The following MFN1 variants were observed in gnomAD, a reference collection of about 807,000 sequenced individuals.
MFN1 encodes the protein mitofusin 1.
Under a neutral mutation model 92.4 loss-of-function variants are expected in MFN1, and 65 were observed. The observed-to-expected ratio is 0.70, with a 90% confidence interval of 0.58 to 0.86. The LOEUF (loss-of-function observed/expected upper bound fraction) is 0.86. MFN1 is among the 40% of genes least tolerant of loss of function. The probability of loss-of-function intolerance (pLI) is 0.00; values close to 1 mark genes in which losing one functional copy is unlikely to be tolerated. For missense variants in MFN1, 781 were observed against 868.0 expected, an observed-to-expected ratio of 0.90 and a Z score of 1.26; for synonymous variants, 297 against 300.9, an observed-to-expected ratio of 0.99 and a Z score of 0.13.
intron 14 of MFN1, among the ~76,000 whole-genome samples, chr3:179,383,189 T>A (rs1577015241): frequency 1.3e-5 from 2 of 152,352 alleles, no homozygotes; most frequent in South Asian, 4.1e-4. Context: ...TTCTAGGGTT[T>A]TTATGGTTTT....
chr3:179,385,675 C>T lies in MFN1; in HGVS notation c.1769C>T (p.Ser590Phe). 6.2e-7 allele frequency: 1 copy of T among 1,613,810 alleles called. No homozygotes were observed. The highest frequency in any genetic ancestry group is 8.5e-7 in the Non-Finnish European group (1 of 1,179,920). ...ATTACATTAGTAACAGGATTGGCGT[C>T]CGTTACATCTAGAACTTCTATGGGC... ...LMITLVTGLA[S>F]VTSRTSMGII... Residue 590 changes from serine (S) to phenylalanine (F), a missense_variant, in exon 15 of 18, where the codon TCC (serine) becomes TTC (phenylalanine). Transcript: ENST00000471841.
At chr3:179,370,600 C>T (rs1331184426) in intron 9 of MFN1, among the ~76,000 whole-genome samples, 15 of 151,786 alleles carry the variant, frequency 9.9e-5, no homozygotes, top group Admixed American at 5.9e-4. Flanking sequence ...TTAGTAGAGA[C>T]GGGGTTACAC....
chr3:179,357,213 C>A (rs1404906494), intron 3 of MFN1, among the ~76,000 whole-genome samples: 5 of 152,054 alleles, frequency 3.3e-5, no homozygotes, highest in Non-Finnish European at 1.5e-5. Context: ...AATGGGGGTG[C>A]AAATGGTCAG....
At chr3:179,383,426 A>G (rs1020240617) in intron 14 of MFN1, among the ~76,000 whole-genome samples, 3 of 152,046 alleles carry the variant, frequency 2.0e-5, no homozygotes, top group Non-Finnish European at 2.9e-5. Flanking sequence ...CCATTGGTCT[A>G]TATCTCTGTT....
At chr3:179,388,634 TAA>T (rs550778474) in intron 16 of MFN1, among the ~76,000 whole-genome samples, 182 of 152,198 alleles carry the variant, frequency 1.2e-3, no homozygotes, top group African/African-American at 4.2e-3. Flanking sequence ...ATAAGAAATA[TAA>T]GAGAAAGAGA....
chr3:179,370,882 T>G (rs2108541119), intron 9 of MFN1, among the ~76,000 whole-genome samples: 1 of 152,354 alleles, frequency 6.6e-6, no homozygotes, highest in African/African-American at 2.4e-5. Context: ...GGCATTTCCT[T>G]ATCAATATAA....
At chr3:179,380,948 CAA>C (rs1457851998) in intron 14 of MFN1, among the ~76,000 whole-genome samples, 1 of 151,586 alleles carries the variant, frequency 6.6e-6, no homozygotes, top group Admixed American at 6.6e-5. Context: ...GCTCCTTATG[CAA>C]AAAATAATAT....
At position 179,375,230 on chromosome 3, in the gene MFN1, C is replaced by T. The variant is rs755879355; in HGVS notation, c.986C>T (p.Ser329Leu). ...NFEQIFEECISQSAVKTKFEQ... is the reference protein window; with the variant it reads ...NFEQIFEECILQSAVKTKFEQ... ...TTGGGCCCCTCGCAGGAGTGTATCTCGCAGTCAGCAGTGAAAACAAAGTTC... is the reference window on the plus strand; with the variant it reads ...TTGGGCCCCTCGCAGGAGTGTATCTTGCAGTCAGCAGTGAAAACAAAGTTC... Residue 329 changes from serine to leucine, a missense_variant, in exon 10 of 18, where the codon TCG (serine) becomes TTG (leucine). Ser to Leu is a moderately radical substitution (Grantham distance 145, BLOSUM62 -2). Transcript: ENST00000471841. 2.1e-5 allele frequency: 34 copies of T among 1,612,682 alleles called. No individual in the cohort carries two copies. The highest frequency in any genetic ancestry group is 2.6e-5 in the Non-Finnish European group (31 of 1,179,488).
At chr3:179,369,297 G>C (rs1018065269) in intron 9 of MFN1, among the ~76,000 whole-genome samples, 1 of 151,930 alleles carries the variant, frequency 6.6e-6, no homozygotes, top group Non-Finnish European at 1.5e-5. Context: ...TTGCAGCCTC[G>C]AACTCCTGGG....
In MFN1 at chr3:179,394,295, T is replaced by C. The variant is rs1192889847; in HGVS notation, c.*2236T>C. ...ATGCACAGTGAAATTGGGGTACCAC[T>C]GGTATTAGGTTTGGTATGGCAACTT... is the stretch of plus-strand genomic sequence containing the variant. On this transcript the variant is annotated 3_prime_UTR_variant, in exon 18 of 18. Coordinates refer to ENST00000471841, the MANE Select transcript of MFN1 (RefSeq NM_033540.3). The C allele has an allele frequency of 1.3e-5, 2 of 152,116 alleles. No homozygotes were observed. The highest frequency in any genetic ancestry group is 2.9e-5 in the Non-Finnish European group (2 of 68,030). 9.4% of individuals were successfully genotyped at this position (152,116 alleles called of 1,614,324 possible). A position where few individuals can be genotyped will look rare whatever the true frequency, so the allele number is the denominator to read the frequency against.
In MFN1 at chr3:179,391,976, AT is replaced by A. The variant is rs770639409; in HGVS notation, c.2148-3del. ...ATTAGATTGGTGTTTTATTTTTTTA[AT>A]TAGAAATAAAGCTGTTCAACTTGAA... On this transcript the variant is annotated splice_region_variant and splice_polypyrimidine_tract_variant and intron_variant, in intron 17 of 17. Transcript: ENST00000471841. The A allele has an allele frequency of 3.2e-6, 5 of 1,573,350 alleles. No individual in the cohort carries two copies. Among genetic ancestry groups the A allele is most frequent in the Non-Finnish European group, 2.6e-6 (3 of 1,146,398 alleles).
intron 3 of MFN1, among the ~76,000 whole-genome samples, chr3:179,357,158 TAA>T (rs1488038401): frequency 6.6e-6 from 1 of 152,122 alleles, no homozygotes; most frequent in Non-Finnish European, 1.5e-5. Context: ...AAGCTATCCT[TAA>T]AAGTGTTACG....
At chr3:179,347,906 G>A (rs1711976706) in intron 1 of MFN1, 96 bp downstream of exon 1, 1 of 152,290 alleles carries the variant, frequency 6.6e-6, no homozygotes, top group Non-Finnish European at 1.5e-5. Flanking sequence ...GCAGCGTTGT[G>A]TGACGAGGCG....
chr3:179,367,816 G>T lies in MFN1; in HGVS notation c.908-220G>T, dbSNP rs370874969. ...TGCACACCTGTAATCCCAGCTTCTT[G>T]GGGGGCTGAGGCCAGAAAATTGCTT... On this transcript the variant is annotated intron_variant, in intron 8 of 17. Coordinates refer to ENST00000471841, the MANE Select transcript of MFN1 (RefSeq NM_033540.3). Among the ~76,000 whole-genome samples the T allele has an allele frequency of 2.0e-4, 30 of 151,722 alleles. No individual in the cohort carries two copies. In the East Asian group the frequency reaches 2.7e-3, roughly 14 times the overall value.
intron 9 of MFN1, among the ~76,000 whole-genome samples, chr3:179,369,927 G>T (rs1027780996): frequency 6.6e-6 from 1 of 152,128 alleles, no homozygotes; most frequent in African/African-American, 2.4e-5. Context: ...TAAAGTCATG[G>T]AATGTCCAGC....
chr3:179,384,362 A>G (rs1280439221), intron 14 of MFN1, among the ~76,000 whole-genome samples: 2 of 152,126 alleles, frequency 1.3e-5, no homozygotes, highest in South Asian at 2.1e-4. Context: ...ATAGAGTAGT[A>G]TTCGTTGTAG....
chr3:179,388,276 A>G (rs540013507), intron 16 of MFN1, among the ~76,000 whole-genome samples: 1 of 152,344 alleles, frequency 6.6e-6, no homozygotes, highest in South Asian at 2.1e-4. Flanking sequence ...AATTCTTAGC[A>G]TTTAACAAAT....
At chr3:179,389,965 TG>T in intron 16 of MFN1, 38 bp from the exon 17 acceptor site, 1 of 1,550,350 alleles carries the variant, frequency 6.5e-7, no homozygotes, top group Non-Finnish European at 8.7e-7. Context: ...TATTCATTTT[TG>T]AAGACATTTA....
intron 14 of MFN1, among the ~76,000 whole-genome samples, chr3:179,383,737 A>G (rs893344592): frequency 6.6e-6 from 1 of 152,116 alleles, no homozygotes; most frequent in East Asian, 1.9e-4. Flanking sequence ...CCCATTCACA[A>G]TTGCTTCGAA....
Sources: gnomAD v4.1 joint callset for allele counts (sites outside exome capture counted in the v4.1 genomes callset) on GRCh38, gnomAD v4.1.1 for gene constraint, MANE v1.5 for transcripts, NCBI Gene and HGNC (gene_info 2026-07-23, HGNC 2026-07-21) for gene names.